The following NGEF variants were observed in gnomAD, a reference collection of about 807,000 sequenced individuals.
NGEF encodes neuronal guanine nucleotide exchange factor.
In NGEF, 31 loss-of-function variants were observed where a neutral mutation model predicts 80.9. The ratio of observed to expected loss-of-function variants is 0.38; its 90% confidence interval spans 0.29 to 0.52. The LOEUF is 0.52. NGEF is among the 20% of genes least tolerant of loss of function. The pLI, the probability that NGEF is intolerant of heterozygous loss-of-function variation, is 0.84. For missense variants in NGEF, 709 were observed against 926.2 expected, an observed-to-expected ratio of 0.77 and a Z score of 3.04; for synonymous variants, 371 against 370.2, an observed-to-expected ratio of 1.00 and a Z score of -0.03.
At chr2:232,989,411 C>A in intron 1 of NGEF, among the ~76,000 whole-genome samples, 1 of 152,228 alleles carries the variant, frequency 6.6e-6, no homozygotes, top group East Asian at 1.9e-4. Flanking sequence ...CGTGCCACTG[C>A]ACTCTAGCCT....
intron 5 of NGEF, among the ~76,000 whole-genome samples, chr2:232,899,804 A>ACG (rs1559199058): frequency 8.1e-6 from 1 of 124,124 alleles, no homozygotes; most frequent in African/African-American, 3.1e-5. Context: ...ACTCACACAC[A>ACG]CGCTCTCAGT....
intron 5 of NGEF, among the ~76,000 whole-genome samples, chr2:232,915,017 CAAAAA>C (rs11374459): frequency 1.0e-5 from 1 of 97,178 alleles, no homozygotes. Context: ...ACTCCATCTC[CAAAAA>C]AAAAAAAAAA....
intron 3 of NGEF, among the ~76,000 whole-genome samples, chr2:232,950,565 C>A (rs1462505740): frequency 2.0e-5 from 3 of 152,160 alleles, no homozygotes; most frequent in African/African-American, 7.2e-5. Flanking sequence ...CTCCCAGGGC[C>A]TTTGGTCCAC....
chr2:232,883,292 G>A lies in NGEF; in HGVS notation c.1757+19C>T. 6.4e-7 allele frequency: 1 copy of A among 1,574,378 alleles called. No homozygotes were observed. Among genetic ancestry groups the A allele is most frequent in the Non-Finnish European group, 8.6e-7 (1 of 1,156,180 alleles). ...AGGTGCCACGGGTAGCACTGGGCGT[G>A]TGGCGGCGAGGCACTCACTGAGAGG... On this transcript the variant is annotated intron_variant, in intron 12 of 14. Transcript: ENST00000264051.
rs555811568 is a variant in NGEF, at chr2:232,984,775, A to G, written c.-74-9811T>C. On this transcript the variant is annotated intron_variant, in intron 1 of 14. Transcript: ENST00000264051. ...AATTTCAGACAATGGAACTTCTAAAAAGTTAAACGTTTTATTTTATATTTA... is the reference window on the plus strand; with the variant it reads ...AATTTCAGACAATGGAACTTCTAAAGAGTTAAACGTTTTATTTTATATTTA... 1.3e-4 allele frequency among the ~76,000 whole-genome samples: 20 copies of G among 152,284 alleles called. No homozygotes were observed. In the South Asian group the frequency reaches 4.1e-3, roughly 32 times the overall value.
chr2:232,997,900 C>T (rs1362956961), intron 1 of NGEF, among the ~76,000 whole-genome samples: 2 of 152,210 alleles, frequency 1.3e-5, no homozygotes, highest in South Asian at 2.1e-4. Context: ...GGTCCACCCA[C>T]AGGTGGCCGT....
chr2:232,979,357 TACACACACACACACAC>T, intron 1 of NGEF, among the ~76,000 whole-genome samples: 1 of 110,350 alleles, frequency 9.1e-6, no homozygotes, highest in Non-Finnish European at 1.8e-5. Flanking sequence ...GAGATGATTT[TACACACACACACACAC>T]ACACACACAC....
chr2:232,995,028 ATATATG>A (rs1196352826), intron 1 of NGEF, among the ~76,000 whole-genome samples: 78 of 142,808 alleles, frequency 5.5e-4, no homozygotes, highest in Middle Eastern at 3.8e-3. Flanking sequence ...TGTATACTGT[ATATATG>A]TACAGTATGT....
chr2:232,887,139 C>T lies in NGEF; in HGVS notation c.1347+894G>A, dbSNP rs141409870. Among the ~76,000 whole-genome samples the T allele has an allele frequency of 2.8e-3, 434 of 152,300 alleles. 2 individuals are homozygous for T. Among genetic ancestry groups the T allele is most frequent in the African/African-American group, 9.9e-3 (412 of 41,572 alleles). ...TTACTAAGCTTCTGCCATGGGGTGACAAAGAAGTGGAATATGGACATCCCC... is the reference window on the plus strand; with the variant it reads ...TTACTAAGCTTCTGCCATGGGGTGATAAAGAAGTGGAATATGGACATCCCC... On this transcript the variant is annotated intron_variant, in intron 9 of 14. Coordinates refer to ENST00000264051, the MANE Select transcript of NGEF (RefSeq NM_019850.3).
intron 1 of NGEF, among the ~76,000 whole-genome samples, chr2:232,998,290 A>G (rs1378667429): frequency 7.9e-5 from 12 of 152,166 alleles, no homozygotes; most frequent in Admixed American, 7.9e-4. Context: ...ATTGTCCAGG[A>G]TCACACAGCT....
intron 1 of NGEF, among the ~76,000 whole-genome samples, chr2:232,995,619 G>GTA (rs1222545860): frequency 0.044 from 193 of 4,420 alleles, no homozygotes; most frequent in Non-Finnish European, 0.064. Flanking sequence ...GTATGTATAC[G>GTA]TATGTATACT....
At chr2:232,939,816 G>A (rs777262969) in intron 3 of NGEF, among the ~76,000 whole-genome samples, 2 of 152,010 alleles carry the variant, frequency 1.3e-5, no homozygotes, top group South Asian at 2.1e-4. Flanking sequence ...TGGGCAACAC[G>A]GTGAAACCCC....
rs1694898876 is a variant in NGEF at position 232,998,337 on chromosome 2, C to T, written c.-75+14731G>A. On this transcript the variant is annotated intron_variant, in intron 1 of 14. Coordinates refer to ENST00000264051, the MANE Select transcript of NGEF (RefSeq NM_019850.3). ...GAGGTGGGATTCAAACCAGGCTCTTCCAGGTCCCAGAAGAAAGGTATGGCT... is the reference window on the plus strand; with the variant it reads ...GAGGTGGGATTCAAACCAGGCTCTTTCAGGTCCCAGAAGAAAGGTATGGCT... Among the ~76,000 whole-genome samples the T allele has an allele frequency of 2.0e-5, 3 of 152,142 alleles. No homozygotes were observed. In the South Asian group the frequency reaches 6.2e-4, roughly 32 times the overall value.
intron 3 of NGEF, among the ~76,000 whole-genome samples, chr2:232,967,019 C>T (rs933931759): frequency 6.6e-6 from 1 of 152,188 alleles, no homozygotes; most frequent in Non-Finnish European, 1.5e-5. Context: ...TTTTTGTCCC[C>T]ACCCAAATCT....
At chr2:232,959,116 T>A (rs374517567) in intron 3 of NGEF, among the ~76,000 whole-genome samples, 2 of 152,238 alleles carry the variant, frequency 1.3e-5, no homozygotes, top group Non-Finnish European at 2.9e-5. Flanking sequence ...AGAGTCTGTA[T>A]AATGCAATCC....
chr2:232,902,884 C>T (rs530396219), intron 5 of NGEF, among the ~76,000 whole-genome samples: 4 of 152,294 alleles, frequency 2.6e-5, no homozygotes, highest in African/African-American at 9.6e-5. Context: ...ATCCCAGCTA[C>T]TTGGGAGGCT....
chr2:232,960,813 G>A (rs1286318762), intron 3 of NGEF, among the ~76,000 whole-genome samples: 1 of 152,170 alleles, frequency 6.6e-6, no homozygotes, highest in Non-Finnish European at 1.5e-5. Flanking sequence ...GGGAGGCAGA[G>A]GTTGCAGTGA....
In NGEF at chr2:232,949,106, G is replaced by A. The variant is rs528937028; in HGVS notation, c.383+21108C>T. On this transcript the variant is annotated intron_variant, in intron 3 of 14. Coordinates refer to ENST00000264051, the MANE Select transcript of NGEF (RefSeq NM_019850.3). ...CGGCATGAAATGTTGAGGTTGGGATGTCGCAGAGGCCAAGGGAAGGAAGAG... is the reference window on the plus strand; with the variant it reads ...CGGCATGAAATGTTGAGGTTGGGATATCGCAGAGGCCAAGGGAAGGAAGAG... 4.3e-3 allele frequency among the ~76,000 whole-genome samples: 652 copies of A among 152,298 alleles called. 4 individuals are homozygous for A. Among genetic ancestry groups the A allele is most frequent in the Non-Finnish European group, 7.1e-3 (480 of 68,020 alleles).
chr2:232,961,029 C>T (rs1437706557), intron 3 of NGEF, among the ~76,000 whole-genome samples: 1 of 152,192 alleles, frequency 6.6e-6, no homozygotes, highest in Non-Finnish European at 1.5e-5. Context: ...CTGCCCAGCT[C>T]ACCATGACTC....
Sources: allele counts gnomAD v4.1 joint callset (sites outside exome capture counted in the v4.1 genomes callset), GRCh38; gene constraint gnomAD v4.1.1; transcripts MANE v1.5; gene names NCBI Gene and HGNC (gene_info 2026-07-23, HGNC 2026-07-21).